LPAR3: variants seen among roughly 807,000 people sequenced by gnomAD.
LPAR3 encodes LPA receptor 3.
In LPAR3, 7 loss-of-function variants were observed where a neutral mutation model predicts 17.8. The ratio of observed to expected loss-of-function variants is 0.39; its 90% CI spans 0.22 to 0.74. The LOEUF (loss-of-function observed/expected upper bound fraction) is 0.74. LPAR3 is among the 30% of genes least tolerant of loss of function. The pLI is 0.40. For missense variants in LPAR3, 391 were observed against 453.4 expected (o/e 0.86, Z 1.25); for synonymous variants, 179 against 179.9 (o/e 0.99, Z 0.04).
At position 84,865,389 on chromosome 1, in the gene LPAR3, G is replaced by T. The variant is rs1302690552; in HGVS notation, c.732C>A (p.Val244=). ...TGCTTGGGTCCTCTTACCTACCTAA[G>T]ACAGTCATCACCGTCTTCATTAGCT... ...PMKLMKTVMT[V]LGAFVVCWTP... Residue 244 remains valine, a synonymous_variant, in exon 2 of 3, where the codon GTC becomes GTA. Coordinates refer to ENST00000370611, the MANE Select transcript of LPAR3 (RefSeq NM_012152.3). 6 of 1,610,142 alleles carry T rather than the reference G, an allele frequency of 3.7e-6. No individual in the cohort carries two copies. Among genetic ancestry groups the T allele is most frequent in the Middle Eastern group, 3.3e-4 (2 of 6,044 alleles).
intron 1 of LPAR3, among the ~76,000 whole-genome samples, chr1:84,884,534 GT>G (rs779378465): frequency 1.8e-4 from 27 of 152,146 alleles, no homozygotes; most frequent in Non-Finnish European, 3.7e-4. Flanking sequence ...AAATATCACA[GT>G]AAAACTCTAA....
In LPAR3 at chr1:84,814,168, G is replaced by T; in HGVS notation, c.740C>A (p.Ala247Glu). The stretch of plus-strand genomic sequence containing the variant: ...GCCCGGGGTCCAGCATACCACAAAC[G>T]CCCCTGCAAGGAGAGAAGAGGAGGC... ...LMKTVMTVLG[A>E]FVVCWTPGLV... The change falls in exon 3 of 3, where the codon GCG becomes GAG. Residue 247 changes from alanine (A) to glutamate (E), a missense_variant. Physicochemically the swap from Ala to Glu is moderately radical, Grantham distance 107. Transcript: ENST00000370611. 4 of 1,613,000 alleles carry T rather than the reference G, an allele frequency of 2.5e-6. No individual in the cohort carries two copies. The highest frequency in any genetic ancestry group is 3.4e-6 in the Non-Finnish European group (4 of 1,179,520).
Position 84,865,275 on chromosome 1 carries a change from G to T in LPAR3, c.736+110C>A, listed in dbSNP as rs533558349. 4.1e-6 allele frequency: 5 copies of T among 1,227,806 alleles called. No individual in the cohort carries two copies. The East Asian group carries it at 7.7e-5, about 19-fold the overall frequency. 76.1% of individuals were successfully genotyped at this position (1,227,806 alleles called of 1,614,324 possible). A position where few individuals can be genotyped will look rare whatever the true frequency, so the allele number is the denominator to read the frequency against. On this transcript the variant is annotated intron_variant, in intron 2 of 2. Coordinates refer to ENST00000370611, the MANE Select transcript of LPAR3 (RefSeq NM_012152.3). ...TGGGTGGCGATTTATGTCCGTTCTT[G>T]TTCACTGCTGCATTCTTACTGCCTA...
At chr1:84,846,174 CT>C (rs1411966910) in intron 2 of LPAR3, among the ~76,000 whole-genome samples, 4 of 152,096 alleles carry the variant, frequency 2.6e-5, no homozygotes, top group South Asian at 2.1e-4. Context: ...GTCAAAAAGA[CT>C]TTCCAGACAA....
At chr1:84,824,920 G>A (rs1317527347) in intron 2 of LPAR3, among the ~76,000 whole-genome samples, 1 of 152,204 alleles carries the variant, frequency 6.6e-6, no homozygotes, top group African/African-American at 2.4e-5. Flanking sequence ...ATTACCCAGT[G>A]CTTAGCCAAA....
chr1:84,830,866 C>T (rs960487765), intron 2 of LPAR3, among the ~76,000 whole-genome samples: 2 of 152,096 alleles, frequency 1.3e-5, no homozygotes, highest in South Asian at 2.1e-4. Flanking sequence ...CGGGCAAATG[C>T]GAGGCTACAG....
In LPAR3 at chr1:84,820,934, T is replaced by A. The variant is rs540016981; in HGVS notation, c.737-6763A>T. On this transcript the variant is annotated intron_variant, in intron 2 of 2. Transcript: ENST00000370611. Reference sequence around the variant, plus strand: ...TAGTGAGTTGCAACCAGCGATTTTTTAAAAAAAATGAAATAGAAACAGAAA... The same window carrying A: ...TAGTGAGTTGCAACCAGCGATTTTTAAAAAAAAATGAAATAGAAACAGAAA... Among the ~76,000 whole-genome samples the A allele has an allele frequency of 3.4e-3, 522 of 151,918 alleles. 2 individuals are homozygous for A. Among genetic ancestry groups the A allele is most frequent in the South Asian group, 8.3e-3 (40 of 4,808 alleles).
chr1:84,873,043 C>G (rs566077028), intron 1 of LPAR3, among the ~76,000 whole-genome samples: 1 of 152,078 alleles, frequency 6.6e-6, no homozygotes, highest in African/African-American at 2.4e-5. Flanking sequence ...GACCAGTACT[C>G]CTCAAAACTG....
chr1:84,864,805 A>G (rs902384802), intron 2 of LPAR3, among the ~76,000 whole-genome samples: 5 of 152,104 alleles, frequency 3.3e-5, no homozygotes, highest in African/African-American at 9.7e-5. Flanking sequence ...AAAAGAAAAA[A>G]AAATGAAAAG....
intron 2 of LPAR3, among the ~76,000 whole-genome samples, chr1:84,848,836 AG>A (rs1369126024): frequency 1.3e-5 from 2 of 152,170 alleles, no homozygotes; most frequent in Non-Finnish European, 1.5e-5. Context: ...ACATGTCAGG[AG>A]TCACAGAGGG....
intron 1 of LPAR3, among the ~76,000 whole-genome samples, chr1:84,877,897 G>A (rs1029270241): frequency 3.9e-5 from 6 of 152,048 alleles, no homozygotes; most frequent in African/African-American, 1.2e-4. Context: ...ATCTCTGGTC[G>A]ATGTGTTAGT....
chr1:84,883,827 T>C (rs1336287009), intron 1 of LPAR3, among the ~76,000 whole-genome samples: 2 of 152,142 alleles, frequency 1.3e-5, no homozygotes, highest in Non-Finnish European at 2.9e-5. Context: ...TTCTCCATAA[T>C]GACATTAATG....
chr1:84,873,469 C>T (rs1317053443), intron 1 of LPAR3, among the ~76,000 whole-genome samples: 1 of 152,178 alleles, frequency 6.6e-6, no homozygotes, highest in East Asian at 1.9e-4. Context: ...CTTTCATAAG[C>T]AGTTACTTTA....
chr1:84,891,222 T>C (rs1229665227), intron 1 of LPAR3, among the ~76,000 whole-genome samples: 2 of 151,304 alleles, frequency 1.3e-5, no homozygotes, highest in African/African-American at 4.9e-5. Context: ...AGGAGTGTCA[T>C]ATGTAATTAA....
intron 2 of LPAR3, among the ~76,000 whole-genome samples, chr1:84,864,407 A>C (rs1203224154): frequency 6.6e-6 from 1 of 152,212 alleles, no homozygotes; most frequent in Non-Finnish European, 1.5e-5. Flanking sequence ...CCACAAGCTT[A>C]GCATTCCAAT....
intron 2 of LPAR3, among the ~76,000 whole-genome samples, chr1:84,850,182 A>G (rs1290233108): frequency 6.6e-6 from 1 of 152,106 alleles, no homozygotes; most frequent in African/African-American, 2.4e-5. Flanking sequence ...CAAAAGACCC[A>G]CAAATTATGT....
intron 1 of LPAR3, among the ~76,000 whole-genome samples, chr1:84,892,050 A>G (rs1447320256): frequency 6.6e-6 from 1 of 151,828 alleles, no homozygotes; most frequent in Non-Finnish European, 1.5e-5. Flanking sequence ...CGTCTCTACT[A>G]AAAATACAAA....
intron 2 of LPAR3, among the ~76,000 whole-genome samples, chr1:84,845,742 A>G (rs951235993): frequency 6.6e-6 from 1 of 152,232 alleles, no homozygotes; most frequent in Non-Finnish European, 1.5e-5. Flanking sequence ...TTATAAAAAG[A>G]AAAGAAAATG....
intron 2 of LPAR3, among the ~76,000 whole-genome samples, chr1:84,815,313 T>G (rs1658912110): frequency 6.6e-6 from 1 of 152,194 alleles, no homozygotes; most frequent in Non-Finnish European, 1.5e-5. Context: ...TAAATGCACT[T>G]GCTTGTCCAC....
Sources: gnomAD v4.1 joint callset for allele counts (sites outside exome capture counted in the v4.1 genomes callset) on GRCh38, gnomAD v4.1.1 for gene constraint, MANE v1.5 for transcripts, NCBI Gene and HGNC (gene_info 2026-07-23, HGNC 2026-07-21) for gene names.